The following AHNAK variants were observed in gnomAD, a reference collection of about 807,000 sequenced individuals.
AHNAK encodes the protein neuroblast differentiation-associated protein AHNAK.
In AHNAK, 23 loss-of-function variants were observed where a neutral mutation model predicts 37.8. The observed-to-expected ratio is 0.61, with a 90% CI of 0.44 to 0.86. AHNAK has a LOEUF of 0.86. Among genes scored for constraint, AHNAK ranks in the 40% least tolerant of loss-of-function variants. The pLI is 0.00. For synonymous variants in AHNAK, 2,481 were observed against 2,636.3 expected, an observed-to-expected ratio of 0.94 and a Z score of 1.80; for missense variants, 7,411 against 7,319.4, an observed-to-expected ratio of 1.01 and a Z score of -0.46.
At chr11:62,458,241 AAGAG>A (rs1293319562) in intron 5 of AHNAK, among the ~76,000 whole-genome samples, 1 of 152,100 alleles carries the variant, frequency 6.6e-6, no homozygotes, top group Non-Finnish European at 1.5e-5. Flanking sequence ...TTTTTTTAAA[AAGAG>A]AGAAAGAAAA....
At chr11:62,479,936 TC>T (rs879259956) in intron 5 of AHNAK, among the ~76,000 whole-genome samples, 8 of 152,192 alleles carry the variant, frequency 5.3e-5, no homozygotes, top group African/African-American at 9.7e-5. Context: ...CTTGGCCCAT[TC>T]CGGGGAGCTG....
rs1444978980 is a variant in AHNAK, at chr11:62,520,314, A to G, written c.14103T>C (p.Asp4701=). ...TGAACTTGGGGCCCTTTAGTTTCGCATCTGGACCTTCGATATTCACATCAG... is the reference window on the plus strand; with the variant it reads ...TGAACTTGGGGCCCTTTAGTTTCGCGTCTGGACCTTCGATATTCACATCAG... ...DVPDVNIEGP[D]AKLKGPKFKM... is the part of the protein sequence containing the mutation. Residue 4701 remains aspartate, a synonymous_variant, in exon 5 of 5, where the codon GAT becomes GAC. Coordinates refer to ENST00000378024, the MANE Select transcript of AHNAK (RefSeq NM_001620.3). The G allele has an allele frequency of 6.2e-7, 1 of 1,607,156 alleles. No homozygotes were observed. Among genetic ancestry groups the G allele is most frequent in the East Asian group, 2.3e-5 (1 of 44,352 alleles).
rs1940643603 is a variant in AHNAK, at chr11:62,529,504, C to G, written c.4913G>C (p.Gly1638Ala). 1.2e-6 allele frequency: 2 copies of G among 1,614,002 alleles called. No individual in the cohort carries two copies. Among genetic ancestry groups the G allele is most frequent in the Admixed American group, 3.3e-5 (2 of 59,994 alleles). Residue 1638 changes from glycine (G) to alanine (A), a missense_variant, in exon 5 of 5, where the codon GGC becomes GCC. Coordinates refer to ENST00000378024, the MANE Select transcript of AHNAK (RefSeq NM_001620.3). ...DIEGPEGKLKGPKFKMPEMHF... is the reference protein window; with the variant it reads ...DIEGPEGKLKAPKFKMPEMHF... ...CATCTCAGGCATCTTAAACTTGGGG[C>G]CCTTCAACTTCCCTTCTGGACCTTC... is the stretch of plus-strand genomic sequence containing the variant.
chr11:62,494,494 T>C (rs757537583), intron 4 of AHNAK, among the ~76,000 whole-genome samples: 4 of 152,042 alleles, frequency 2.6e-5, no homozygotes, highest in Non-Finnish European at 5.9e-5. Context: ...AGACAAGTAC[T>C]ACTACTACCC....
intron 5 of AHNAK, among the ~76,000 whole-genome samples, chr11:62,490,949 G>A (rs1023601776): frequency 6.6e-6 from 1 of 151,822 alleles, no homozygotes; most frequent in Admixed American, 6.6e-5. Flanking sequence ...CACCATACCC[G>A]GCTAATTTTT....
chr11:62,439,240 G>A (rs769722479), intron 5 of AHNAK, among the ~76,000 whole-genome samples: 20 of 151,502 alleles, frequency 1.3e-4, no homozygotes, highest in African/African-American at 2.7e-4. Flanking sequence ...GATTACAAGC[G>A]CCCGCCACCA....
Position 62,527,445 on chromosome 11 carries a change from G to C in AHNAK, c.6972C>G (p.Pro2324=). Residue 2324 remains proline (P), a synonymous_variant, in exon 5 of 5, where the codon CCC becomes CCG. Transcript: ENST00000378024. ...AAACATCAACATCTCCTTTGATTTT[G>C]GGTCCCTTTAAATTGAAATCAACAT... ...MPDVDFNLKG[P]KIKGDVDVSA... is the part of the protein sequence containing the mutation. 1.2e-6 allele frequency: 2 copies of C among 1,614,078 alleles called. No homozygotes were observed. The highest frequency in any genetic ancestry group is 4.5e-5 in the East Asian group (2 of 44,880).
rs1257406576 is a variant in AHNAK at position 62,531,165 on chromosome 11, ATTTCC to A, written c.3247_3251del (p.Gly1083CysfsTer11). The A allele has an allele frequency of 1.2e-6, 2 of 1,613,866 alleles. No homozygotes were observed. The highest frequency in any genetic ancestry group is 1.7e-6 in the Non-Finnish European group (2 of 1,179,970). On this transcript the variant is annotated frameshift_variant, in exon 5 of 5. Coordinates refer to ENST00000378024, the MANE Select transcript of AHNAK (RefSeq NM_001620.3). LOFTEE classifies it low-confidence loss of function (END_TRUNC). Reference sequence around the variant, plus strand: ...CTATCTTTGGTGCAGAGATATCTACATTTCCTTTCATTTTGGGTCCTTTAAGATCC... The same window carrying A: ...CTATCTTTGGTGCAGAGATATCTACATTTCATTTTGGGTCCTTTAAGATCC...
intron 5 of AHNAK, among the ~76,000 whole-genome samples, chr11:62,443,725 T>TCAGCC (rs1263767217): frequency 1.3e-5 from 2 of 152,194 alleles, no homozygotes; most frequent in Non-Finnish European, 2.9e-5. Context: ...TCAGCCTCTC[T>TCAGCC]CAGCCCTTTA....
chr11:62,461,690 T>C (rs1161780613), intron 5 of AHNAK, among the ~76,000 whole-genome samples: 3 of 151,968 alleles, frequency 2.0e-5, no homozygotes, highest in East Asian at 1.9e-4. Context: ...CTGTGTATGG[T>C]GGTGTATGCC....
chr11:62,433,734 G>A (rs1938096826), exon 6 of AHNAK: 4 of 1,123,680 alleles, frequency 3.6e-6, no homozygotes, highest in Non-Finnish European at 5.2e-6. Flanking sequence ...TGCATGCTCC[G>A]AAAAGCCGCC....
At chr11:62,509,586 C>T (rs771692335) in intron 4 of AHNAK, among the ~76,000 whole-genome samples, 18 of 151,808 alleles carry the variant, frequency 1.2e-4, no homozygotes, top group Non-Finnish European at 2.2e-4. Flanking sequence ...ACCAAGACAA[C>T]TAAACATCAT....
rs979379049 is a variant in AHNAK, at chr11:62,516,945, G to A, written c.17472C>T (p.Thr5824=). The change falls in exon 5 of 5, where the codon ACC becomes ACT. Residue 5824 remains threonine (T), a synonymous_variant. Coordinates refer to ENST00000378024, the MANE Select transcript of AHNAK (RefSeq NM_001620.3). ...TGCTCTTTGACCCCAATCCACCAAA[G>A]GTACCGAATTTCAGCTTCCCGTGTT... ...KGKHGKLKFG[T]FGGLGSKSKG... The A allele has an allele frequency of 6.2e-7, 1 of 1,614,094 alleles. No individual in the cohort carries two copies. Among genetic ancestry groups the A allele is most frequent in the East Asian group, 2.2e-5 (1 of 44,874 alleles).
In AHNAK at chr11:62,533,533, G is replaced by A. The variant is rs1176909758; in HGVS notation, c.884C>T (p.Ser295Phe). 2 of 1,614,126 alleles carry A rather than the reference G, an allele frequency of 1.2e-6. No individual in the cohort carries two copies. The highest frequency in any genetic ancestry group is 2.2e-5 in the South Asian group (2 of 91,084). ...GGRAVEVQGP[S>F]LESGDHGKIK... ...TTTGCCATGATCACCACTCTCCAGA[G>A]ATGGGCCCTGTACCTCTACTGCCCT... The change falls in exon 5 of 5, where the codon TCT becomes TTT. Residue 295 changes from serine (S) to phenylalanine (F), a missense_variant. By Grantham distance (155) the Ser-to-Phe change is radical. Coordinates refer to ENST00000378024, the MANE Select transcript of AHNAK (RefSeq NM_001620.3).
chr11:62,545,336 C>T (rs1941272554), intron 1 of AHNAK, among the ~76,000 whole-genome samples: 1 of 152,240 alleles, frequency 6.6e-6, no homozygotes, highest in Admixed American at 6.5e-5. Context: ...CTGAGAACAC[C>T]CATCTGCCCC....
At chr11:62,487,377 T>C (rs1939414187) in intron 5 of AHNAK, among the ~76,000 whole-genome samples, 1 of 152,260 alleles carries the variant, frequency 6.6e-6, no homozygotes, top group African/African-American at 2.4e-5. Flanking sequence ...GCAGAGCTCC[T>C]AACCATGAGG....
intron 5 of AHNAK, among the ~76,000 whole-genome samples, chr11:62,450,815 T>C (rs1938521636): frequency 6.6e-6 from 1 of 152,284 alleles, no homozygotes; most frequent in Admixed American, 6.5e-5. Flanking sequence ...TCTGGGCATC[T>C]AGCACAGCAC....
At chr11:62,507,355 C>T (rs1939829764) in intron 4 of AHNAK, among the ~76,000 whole-genome samples, 1 of 152,190 alleles carries the variant, frequency 6.6e-6, no homozygotes, top group African/African-American at 2.4e-5. Flanking sequence ...ATGTAAAATA[C>T]ATACACAATG....
At chr11:62,434,685 T>C (rs1938120508) in intron 5 of AHNAK, among the ~76,000 whole-genome samples, 2 of 152,138 alleles carry the variant, frequency 1.3e-5, no homozygotes, top group South Asian at 4.1e-4. Context: ...CCCAGCACTT[T>C]GGGAGGCCGA....
Sources: gnomAD v4.1 joint callset for allele counts (sites outside exome capture counted in the v4.1 genomes callset) on GRCh38, gnomAD v4.1.1 for gene constraint, MANE v1.5 for transcripts, NCBI Gene and HGNC (gene_info 2026-07-23, HGNC 2026-07-21) for gene names.